SPIN1: variants seen among roughly 807,000 people sequenced by gnomAD.
The protein encoded by SPIN1 is spindlin 1, also known as spindlin-1.
A neutral mutation model predicts 26.0 loss-of-function variants in SPIN1; 3 were observed. The ratio of observed to expected loss-of-function variants is 0.12; its 90% CI spans 0.05 to 0.30. The LOEUF is 0.30. SPIN1 is among the 10% of genes least tolerant of loss of function. The pLI is 1.00. For synonymous variants in SPIN1, 101 were observed against 116.5 expected, an observed-to-expected ratio of 0.87 and a Z score of 0.86; for missense variants, 126 against 333.4, an observed-to-expected ratio of 0.38 and a Z score of 4.84.
chr9:88,429,372 T>C (rs1294926622), intron 2 of SPIN1, among the ~76,000 whole-genome samples: 1 of 152,128 alleles, frequency 6.6e-6, no homozygotes, highest in Non-Finnish European at 1.5e-5. Context: ...CGCTGCTTGC[T>C]TCTGATGCCA....
Position 88,476,524 on chromosome 9 carries a change from TGTG to T in SPIN1, c.*1249_*1251del, listed in dbSNP as rs1378507939. Reference sequence around the variant, plus strand: ...GTTCCTGCTCCAGGTATGCTGTTCATGTGGATTCATTCCATTCAGTGGCCCCTT... The same window carrying T: ...GTTCCTGCTCCAGGTATGCTGTTCATGATTCATTCCATTCAGTGGCCCCTT... On this transcript the variant is annotated 3_prime_UTR_variant, in exon 6 of 6. Coordinates refer to ENST00000375859, the MANE Select transcript of SPIN1 (RefSeq NM_006717.3). 4 of 152,198 alleles carry T rather than the reference TGTG, an allele frequency of 2.6e-5. No homozygotes were observed. Among genetic ancestry groups the T allele is most frequent in the Admixed American group, 1.3e-4 (2 of 15,286 alleles). 9.4% of individuals were successfully genotyped at this position (152,198 alleles called of 1,614,324 possible). A position where few individuals can be genotyped will look rare whatever the true frequency, so the allele number is the denominator to read the frequency against.
Position 88,477,134 on chromosome 9 carries a change from C to G in SPIN1, c.*1857C>G, listed in dbSNP as rs1324514533. ...GTCATAGGTGCTTCTCGTATGTGAA[C>G]AGGTGTCATTCTACAGATCTGTTAT... On this transcript the variant is annotated 3_prime_UTR_variant, in exon 6 of 6. Transcript: ENST00000375859. 3 of 152,180 alleles carry G rather than the reference C, an allele frequency of 2.0e-5. No individual in the cohort carries two copies. Among genetic ancestry groups the G allele is most frequent in the Admixed American group, 6.5e-5 (1 of 15,276 alleles). 9.4% of individuals were successfully genotyped at this position (152,180 alleles called of 1,614,324 possible).
intron 1 of SPIN1, among the ~76,000 whole-genome samples, chr9:88,419,775 G>T (rs2117996784): frequency 6.6e-6 from 1 of 152,260 alleles, no homozygotes; most frequent in Non-Finnish European, 1.5e-5. Context: ...CCATTGTTTT[G>T]AGCTAATCTT....
At chr9:88,399,439 G>C (rs573774299) in intron 1 of SPIN1, among the ~76,000 whole-genome samples, 234 of 152,316 alleles carry the variant, frequency 1.5e-3, no homozygotes, top group African/African-American at 5.3e-3. Flanking sequence ...GGGAAGAAGA[G>C]GACACAGGAA....
chr9:88,391,015 G>A (rs1196331742), intron 1 of SPIN1, among the ~76,000 whole-genome samples: 1 of 152,060 alleles, frequency 6.6e-6, no homozygotes, highest in South Asian at 2.1e-4. Context: ...ACTACCCACT[G>A]TTTTCTTTAT....
intron 1 of SPIN1, among the ~76,000 whole-genome samples, chr9:88,400,480 G>A (rs1827163343): frequency 6.6e-6 from 1 of 152,128 alleles, no homozygotes; most frequent in Admixed American, 6.5e-5. Context: ...CCATCCACAA[G>A]GCCTGATGCC....
intron 3 of SPIN1, among the ~76,000 whole-genome samples, chr9:88,458,412 C>T (rs566186688): frequency 6.6e-6 from 1 of 152,272 alleles, no homozygotes; most frequent in African/African-American, 2.4e-5. Context: ...GGACTCTTGG[C>T]CAGATACAAG....
At chr9:88,391,685 G>A (rs1029563575) in intron 1 of SPIN1, 1 of 152,132 alleles carries the variant, frequency 6.6e-6, no homozygotes, top group Non-Finnish European at 1.5e-5. Flanking sequence ...AGGGAATTTG[G>A]TACTAGGGTT....
intron 5 of SPIN1, among the ~76,000 whole-genome samples, chr9:88,473,245 T>G (rs190035029): frequency 3.1e-4 from 44 of 141,518 alleles, no homozygotes; most frequent in East Asian, 3.1e-3. Flanking sequence ...ATAAAAAAAT[T>G]AGCCAAGTGT....
rs1350028782 is a variant in SPIN1 at position 88,388,867 on chromosome 9, G to T, written c.-159+329G>T. Among the ~76,000 whole-genome samples the T allele has an allele frequency of 2.0e-5, 3 of 150,966 alleles. No individual in the cohort carries two copies. In the East Asian group the frequency reaches 5.9e-4, roughly 30 times the overall value. On this transcript the variant is annotated intron_variant, in intron 1 of 5. Coordinates refer to ENST00000375859, the MANE Select transcript of SPIN1 (RefSeq NM_006717.3). ...CCGGCCGCCGCCGGCCCCTTAGCGCGCGCTTTGTTTGGAGCCGGGCGGGGA... is the reference window on the plus strand; with the variant it reads ...CCGGCCGCCGCCGGCCCCTTAGCGCTCGCTTTGTTTGGAGCCGGGCGGGGA...
intron 3 of SPIN1, among the ~76,000 whole-genome samples, chr9:88,460,445 G>A (rs1020669318): frequency 6.6e-6 from 1 of 152,102 alleles, no homozygotes; most frequent in Non-Finnish European, 1.5e-5. Context: ...TCTTACGTTA[G>A]GGTTCTCCAG....
Position 88,440,378 on chromosome 9 carries a change from C to T in SPIN1, c.53-8563C>T, listed in dbSNP as rs555515467. On this transcript the variant is annotated intron_variant, in intron 2 of 5. Transcript: ENST00000375859. ...TTCACCATGTTACAAAGGCTGGTCTCGGACTCCTGAGCTCAAGCGATCCGT... is the reference window on the plus strand; with the variant it reads ...TTCACCATGTTACAAAGGCTGGTCTTGGACTCCTGAGCTCAAGCGATCCGT... 9.3e-4 allele frequency among the ~76,000 whole-genome samples: 142 copies of T among 152,234 alleles called. 1 individual carries two copies. The highest frequency in any genetic ancestry group is 2.0e-3 in the Admixed American group (30 of 15,288).
rs77393067 is a variant in SPIN1, at chr9:88,443,299, T to C, written c.53-5642T>C. On this transcript the variant is annotated intron_variant, in intron 2 of 5. Coordinates refer to ENST00000375859, the MANE Select transcript of SPIN1 (RefSeq NM_006717.3). ...TTCAGTTTTGGAAGTTTTATTAACA[T>C]GCCATTAAACTCAGAGGTTCTTTGG... Among the ~76,000 whole-genome samples, 1,116 of 152,276 alleles carry C rather than the reference T, an allele frequency of 7.3e-3. 12 individuals are homozygous for C. Among genetic ancestry groups the C allele is most frequent in the African/African-American group, 0.025 (1,045 of 41,556 alleles).
chr9:88,423,614 T>A (rs935367236), intron 1 of SPIN1, among the ~76,000 whole-genome samples: 6 of 151,848 alleles, frequency 4.0e-5, no homozygotes, highest in Admixed American at 3.9e-4. Flanking sequence ...AATTTTTGTA[T>A]TTTTAGTAGA....
chr9:88,395,293 T>C (rs1324668889), intron 1 of SPIN1, among the ~76,000 whole-genome samples: 1 of 151,978 alleles, frequency 6.6e-6, no homozygotes, highest in East Asian at 1.9e-4. Flanking sequence ...TGTAAGCATA[T>C]GTGTATATTT....
chr9:88,443,521 G>C (rs1193283492), intron 2 of SPIN1, among the ~76,000 whole-genome samples: 3 of 152,118 alleles, frequency 2.0e-5, no homozygotes, highest in Non-Finnish European at 2.9e-5. Flanking sequence ...TCCTGGTCTG[G>C]GTGAAATTAA....
intron 2 of SPIN1, among the ~76,000 whole-genome samples, chr9:88,447,495 G>T (rs547723703): frequency 2.8e-4 from 42 of 152,132 alleles, no homozygotes; most frequent in South Asian, 2.1e-4. Flanking sequence ...GCAAGCACGT[G>T]CTGAGCTTTT....
intron 3 of SPIN1, among the ~76,000 whole-genome samples, chr9:88,457,068 A>T (rs1564040224): frequency 6.6e-6 from 1 of 152,218 alleles, no homozygotes; most frequent in Non-Finnish European, 1.5e-5. Flanking sequence ...ATCATGGAGA[A>T]TTGATCTAGA....
At chr9:88,404,681 C>T (rs1353382204) in intron 1 of SPIN1, among the ~76,000 whole-genome samples, 1 of 151,816 alleles carries the variant, frequency 6.6e-6, no homozygotes, top group Non-Finnish European at 1.5e-5. Context: ...TTTGAGAGGC[C>T]GAGGCAGGCA....
Sources: allele counts gnomAD v4.1 joint callset (sites outside exome capture counted in the v4.1 genomes callset), GRCh38; gene constraint gnomAD v4.1.1; transcripts MANE v1.5; gene names NCBI Gene and HGNC (gene_info 2026-07-23, HGNC 2026-07-21).